Variants in ITGA9 observed in about 807,000 individuals in gnomAD.
The protein encoded by ITGA9 is integrin alpha-9.
A neutral mutation model predicts 127.8 loss-of-function variants in ITGA9; 56 were observed. The ratio of observed to expected loss-of-function variants is 0.44; its 90% confidence interval spans 0.35 to 0.55. The LOEUF (loss-of-function observed/expected upper bound fraction) is 0.55, where lower values mean the gene tolerates loss of function less well. Ranked by LOEUF, ITGA9 falls within the 20% of genes least tolerant of loss-of-function variation. ITGA9 has a pLI of 0.00. For missense variants in ITGA9, 1,196 were observed against 1,347.1 expected, an observed-to-expected ratio of 0.89 and a Z score of 1.76; for synonymous variants, 508 against 514.5, an observed-to-expected ratio of 0.99 and a Z score of 0.17.
At chr3:37,709,530 A>G (rs1701054167) in intron 18 of ITGA9, among the ~76,000 whole-genome samples, 1 of 152,238 alleles carries the variant, frequency 6.6e-6, no homozygotes, top group Admixed American at 6.5e-5. Context: ...TTTGGAAATG[A>G]TGACCTGAGA....
At chr3:37,772,082 G>C (rs1030001114) in intron 23 of ITGA9, among the ~76,000 whole-genome samples, 1 of 152,122 alleles carries the variant, frequency 6.6e-6, no homozygotes, top group Non-Finnish European at 1.5e-5. Context: ...TGGGCCTCCT[G>C]TTGCCTCTCA....
chr3:37,747,157 G>A (rs912968627), intron 22 of ITGA9, among the ~76,000 whole-genome samples: 3 of 152,016 alleles, frequency 2.0e-5, no homozygotes, highest in Admixed American at 6.5e-5. Flanking sequence ...ATACCTTAAA[G>A]TTCACCCATT....
At chr3:37,708,407 G>A (rs1575202562) in intron 18 of ITGA9, among the ~76,000 whole-genome samples, 1 of 152,214 alleles carries the variant, frequency 6.6e-6, no homozygotes. Context: ...ACCTCGTGAT[G>A]GGAGTAGCTG....
chr3:37,625,831 G>A (rs1700171306), intron 15 of ITGA9, among the ~76,000 whole-genome samples: 1 of 152,192 alleles, frequency 6.6e-6, no homozygotes, highest in Admixed American at 6.5e-5. Flanking sequence ...TTTTGGGGGT[G>A]TTGGCCTGTT....
chr3:37,641,867 T>G lies in ITGA9; in HGVS notation c.1840-11847T>G, dbSNP rs1700337207. Among the ~76,000 whole-genome samples the G allele has an allele frequency of 2.0e-5, 3 of 152,322 alleles. No homozygotes were observed. The South Asian group carries it at 6.2e-4, about 32-fold the overall frequency. On this transcript the variant is annotated intron_variant, in intron 16 of 27. Transcript: ENST00000264741. ...GCTTTTCCCGTGGCCAGCTCTTCAT[T>G]TTTTAGGTCTCAGCCTAAATGTTGC...
At chr3:37,608,335 G>A (rs934887420) in intron 15 of ITGA9, among the ~76,000 whole-genome samples, 2 of 152,118 alleles carry the variant, frequency 1.3e-5, no homozygotes, top group African/African-American at 4.8e-5. Flanking sequence ...ACTATTTCAG[G>A]AACATAAAAT....
At chr3:37,700,921 A>G (rs1027782908) in intron 18 of ITGA9, among the ~76,000 whole-genome samples, 1 of 152,216 alleles carries the variant, frequency 6.6e-6, no homozygotes, top group Non-Finnish European at 1.5e-5. Context: ...GAAAAGGGAA[A>G]CCATCAGGAA....
intron 15 of ITGA9, among the ~76,000 whole-genome samples, chr3:37,552,490 C>T (rs944684725): frequency 1.3e-5 from 2 of 151,844 alleles, no homozygotes; most frequent in South Asian, 4.2e-4. Flanking sequence ...CTTTTCTTCT[C>T]ATTTTGGAAG....
chr3:37,773,204 CT>C (rs1438521412), intron 23 of ITGA9, among the ~76,000 whole-genome samples: 1 of 152,262 alleles, frequency 6.6e-6, no homozygotes, highest in Non-Finnish European at 1.5e-5. Flanking sequence ...AGGAGGAACT[CT>C]GCTCCCACGC....
chr3:37,474,804 A>G (rs908138597), intron 3 of ITGA9, among the ~76,000 whole-genome samples: 1 of 152,200 alleles, frequency 6.6e-6, no homozygotes, highest in African/African-American at 2.4e-5. Flanking sequence ...TTTCGTGTGT[A>G]TTTTATCCCA....
At chr3:37,569,844 C>G (rs2555233) in intron 15 of ITGA9, among the ~76,000 whole-genome samples, 1 of 152,072 alleles carries the variant, frequency 6.6e-6, no homozygotes, top group South Asian at 2.1e-4. Context: ...AAGTTTAGCC[C>G]TTAGTCCCAT....
chr3:37,800,226 A>G (rs1002801153), intron 26 of ITGA9, among the ~76,000 whole-genome samples: 5 of 152,146 alleles, frequency 3.3e-5, no homozygotes, highest in Admixed American at 2.6e-4. Context: ...TGTCCCTAAG[A>G]AGCCATCTGG....
chr3:37,729,539 A>T (rs920864032), intron 18 of ITGA9, among the ~76,000 whole-genome samples: 3 of 152,224 alleles, frequency 2.0e-5, no homozygotes, highest in Non-Finnish European at 2.9e-5. Context: ...TAACAAAAAT[A>T]AGGTAGCTGA....
At chr3:37,751,084 G>A (rs183260535) in intron 23 of ITGA9, among the ~76,000 whole-genome samples, 13 of 152,366 alleles carry the variant, frequency 8.5e-5, no homozygotes, top group Non-Finnish European at 2.9e-5. Flanking sequence ...CAGCCCACAG[G>A]GTGGAGGTTC....
chr3:37,539,699 A>G (rs980385489), intron 14 of ITGA9, among the ~76,000 whole-genome samples: 1 of 152,240 alleles, frequency 6.6e-6, no homozygotes, highest in Non-Finnish European at 1.5e-5. Flanking sequence ...TGACATCTAG[A>G]TTGGTGCTTG....
At chr3:37,674,244 G>A (rs1559564153) in intron 17 of ITGA9, among the ~76,000 whole-genome samples, 1 of 152,204 alleles carries the variant, frequency 6.6e-6, no homozygotes, top group East Asian at 1.9e-4. Context: ...GGGGACTTTG[G>A]AATAACTCTC....
intron 25 of ITGA9, among the ~76,000 whole-genome samples, chr3:37,780,610 C>T (rs1696965537): frequency 6.6e-6 from 1 of 152,054 alleles, no homozygotes; most frequent in South Asian, 2.1e-4. Flanking sequence ...CCTATCTTTG[C>T]TGTTGTGAAT....
chr3:37,623,490 G>T (rs1253930667), intron 15 of ITGA9, among the ~76,000 whole-genome samples: 1 of 152,198 alleles, frequency 6.6e-6, no homozygotes. Flanking sequence ...CAAGGGAAAA[G>T]TGCCCATAAA....
At chr3:37,717,907 G>T (rs566929479) in intron 18 of ITGA9, among the ~76,000 whole-genome samples, 1 of 152,298 alleles carries the variant, frequency 6.6e-6, no homozygotes, top group South Asian at 2.1e-4. Context: ...TAATAACAAT[G>T]AGCTGTAAAA....
Sources: gnomAD v4.1 joint callset for allele counts (sites outside exome capture counted in the v4.1 genomes callset) on GRCh38, gnomAD v4.1.1 for gene constraint, MANE v1.5 for transcripts, NCBI Gene and HGNC (gene_info 2026-07-23, HGNC 2026-07-21) for gene names.